The following GEMIN6 variants were observed in gnomAD, a reference collection of about 807,000 sequenced individuals.
GEMIN6 encodes the protein gem-associated protein 6.
In GEMIN6, 13 loss-of-function variants were observed where a neutral mutation model predicts 14.1. That is an observed-to-expected ratio of 0.92 (90% CI 0.60 to 1.46). The LOEUF is 1.46. Ranked by LOEUF, GEMIN6 falls within the 40% of genes most tolerant of loss-of-function variation. The pLI is 0.00. For missense variants in GEMIN6, 271 were observed against 202.4 expected, an observed-to-expected ratio of 1.34 and a Z score of -2.06; for synonymous variants, 87 against 70.0, an observed-to-expected ratio of 1.24 and a Z score of -1.21.
Position 38,781,675 on chromosome 2 carries a change from C to T in GEMIN6, c.287C>T (p.Pro96Leu), listed in dbSNP as rs767892869. Residue 96 changes from proline (P) to leucine (L), a missense_variant, in exon 3 of 3, where the codon CCA becomes CTA. Physicochemically the swap from Pro to Leu is moderately conservative, Grantham distance 98. Transcript: ENST00000281950. ...FTSGDCKAYS[P>L]EDLEERKNSL... ...TCTGGAGACTGCAAAGCATACAGCC[C>T]AGAGGATCTGGAAGAGAGAAAGAAC... The T allele has an allele frequency of 1.9e-5, 31 of 1,614,076 alleles. No homozygotes were observed. Among genetic ancestry groups the T allele is most frequent in the East Asian group, 6.7e-5 (3 of 44,880 alleles).
intron 2 of GEMIN6, among the ~76,000 whole-genome samples, chr2:38,779,654 ATATATATATATTTTTT>A (rs1411179754): frequency 1.3e-3 from 35 of 26,378 alleles, no homozygotes; most frequent in Non-Finnish European, 1.8e-3. Flanking sequence ...ATATATATAT[ATATATATATATTTTTT>A]TTTTTTTTTT....
At position 38,779,052 on chromosome 2, in the gene GEMIN6, G is replaced by C. The variant is rs530479807; in HGVS notation, c.62G>C (p.Arg21Pro). Residue 21 changes from arginine to proline, a missense_variant, in exon 2 of 3, where the codon CGA becomes CCA. By Grantham distance (103) the Arg-to-Pro change is moderately radical. Transcript: ENST00000281950. ...CAAGATTACATTTACAAAGAGGTCCGAGTGACAGCCAGTGAGAAGAATGAG... is the reference window on the plus strand; with the variant it reads ...CAAGATTACATTTACAAAGAGGTCCCAGTGACAGCCAGTGAGAAGAATGAG... ...EWQDYIYKEV[R>P]VTASEKNEYK... The C allele has an allele frequency of 6.2e-6, 10 of 1,613,772 alleles. No individual in the cohort carries two copies. The highest frequency in any genetic ancestry group is 5.0e-5 in the Admixed American group (3 of 59,976).
chr2:38,781,110 G>C (rs1669075545), intron 2 of GEMIN6, among the ~76,000 whole-genome samples: 1 of 151,812 alleles, frequency 6.6e-6, no homozygotes, highest in South Asian at 2.1e-4. Flanking sequence ...TGGGATTACA[G>C]GTGACTGCCA....
Position 38,781,779 on chromosome 2 carries a change from G to A in GEMIN6, c.391G>A (p.Gly131Arg). Residue 131 changes from glycine to arginine, a missense_variant, in exon 3 of 3, where the codon GGG (glycine) becomes AGG (arginine). Coordinates refer to ENST00000281950, the MANE Select transcript of GEMIN6 (RefSeq NM_024775.10). ...GDAPRTLCVA[G>R]VLTIDPPYGP... ...CGCTCCAAGGACTCTCTGTGTGGCT[G>A]GGGTCCTGACTATAGACCCACCATA... The A allele has an allele frequency of 1.2e-6, 2 of 1,614,118 alleles. No homozygotes were observed. The highest frequency in any genetic ancestry group is 1.7e-6 in the Non-Finnish European group (2 of 1,180,022).
chr2:38,779,388 G>C, intron 2 of GEMIN6: 1 of 348,346 alleles, frequency 2.9e-6, no homozygotes, highest in Non-Finnish European at 5.5e-6. Context: ...TTGCCACCAC[G>C]TCTGGCTAAT....
Position 38,781,640 on chromosome 2 carries a change from T to C in GEMIN6, c.252T>C (p.His84=), listed in dbSNP as rs1669088793. ...GDHRVREKLM[H]LFTSGDCKAY... ...ATAGAGTGAGGGAGAAGCTGATGCA[T>C]TTGTTCACGTCTGGAGACTGCAAAG... The change falls in exon 3 of 3, where the codon CAT becomes CAC. Residue 84 remains histidine, a synonymous_variant. Transcript: ENST00000281950. 1.2e-6 allele frequency: 2 copies of C among 1,614,088 alleles called. No homozygotes were observed. The highest frequency in any genetic ancestry group is 1.1e-5 in the South Asian group (1 of 91,088).
intron 2 of GEMIN6, among the ~76,000 whole-genome samples, chr2:38,779,664 ATTTTTTTTTTTTT>A (rs1166903482): frequency 4.8e-5 from 1 of 20,778 alleles, no homozygotes; most frequent in African/African-American, 1.9e-4. Context: ...ATATATATAT[ATTTTTTTTTTTTT>A]TTTTTTTTTT....
intron 2 of GEMIN6, 93 bp from the exon 3 acceptor site, chr2:38,781,424 A>T (rs1049569146): frequency 7.2e-5 from 90 of 1,248,914 alleles, no homozygotes; most frequent in Non-Finnish European, 9.6e-5. Context: ...TTCATTGGTG[A>T]CAGGATTAAT....
chr2:38,779,178 T>C (rs1431929082), intron 2 of GEMIN6, 60 bp downstream of exon 2: 5 of 1,464,282 alleles, frequency 3.4e-6, no homozygotes, highest in African/African-American at 2.9e-5. Context: ...CTGTATGTTA[T>C]AGACAAACTA....
Position 38,781,956 on chromosome 2 carries a change from T to C in GEMIN6, c.*64T>C. On this transcript the variant is annotated 3_prime_UTR_variant, in exon 3 of 3. Transcript: ENST00000281950. ...ATATTTTATCCCTCATAAAATGTTT[T>C]AAATGTAAATGTACATGACTGTGTG... 1.5e-5 allele frequency: 22 copies of C among 1,426,922 alleles called. No homozygotes were observed. Among genetic ancestry groups the C allele is most frequent in the Non-Finnish European group, 2.0e-5 (21 of 1,050,374 alleles). 88.4% of individuals were successfully genotyped at this position (1,426,922 alleles called of 1,614,324 possible).
In GEMIN6 at chr2:38,778,967, T is replaced by G. The variant is rs769653000; in HGVS notation, c.-19-5T>G. ...TATATTAACCAGCACTGGTGGTTGT[T>G]TCAGATTTAGCCAGGTGGCAATCAT... On this transcript the variant is annotated splice_region_variant and splice_polypyrimidine_tract_variant and intron_variant, in intron 1 of 2. Coordinates refer to ENST00000281950, the MANE Select transcript of GEMIN6 (RefSeq NM_024775.10). 3.1e-6 allele frequency: 5 copies of G among 1,604,218 alleles called. No homozygotes were observed. Among genetic ancestry groups the G allele is most frequent in the Non-Finnish European group, 4.3e-6 (5 of 1,175,580 alleles).
Position 38,784,089 on chromosome 2 carries a change from T to C in GEMIN6, c.*2197T>C, listed in dbSNP as rs1269700534. On this transcript the variant is annotated 3_prime_UTR_variant, in exon 3 of 3. Transcript: ENST00000281950. ...CCTCCCTCACGGCTTCAAAGTTCCA[T>C]GATCCTGAAAGCAAAATTTAGCACA... 1.3e-5 allele frequency: 2 copies of C among 152,194 alleles called. No homozygotes were observed. Among genetic ancestry groups the C allele is most frequent in the Non-Finnish European group, 2.9e-5 (2 of 68,046 alleles). 9.4% of individuals were successfully genotyped at this position (152,194 alleles called of 1,614,324 possible). A position where few individuals can be genotyped will look rare whatever the true frequency, so the allele number is the denominator to read the frequency against.
intron 2 of GEMIN6, 43 bp from the exon 3 acceptor site, chr2:38,781,474 T>C (rs1389113476): frequency 6.5e-7 from 1 of 1,548,990 alleles, no homozygotes; most frequent in African/African-American, 1.4e-5. Flanking sequence ...TTTAGTGACC[T>C]ACTTGGGTTG....
In GEMIN6 at chr2:38,781,929, CTA is replaced by C; in HGVS notation, c.*41_*42del. On this transcript the variant is annotated 3_prime_UTR_variant, in exon 3 of 3. Coordinates refer to ENST00000281950, the MANE Select transcript of GEMIN6 (RefSeq NM_024775.10). ...GTGTGAACATACTGATAGAAAAAGA[CTA>C]TATTTTATCCCTCATAAAATGTTTT... The C allele has an allele frequency of 1.3e-6, 2 of 1,541,754 alleles. No individual in the cohort carries two copies. The highest frequency in any genetic ancestry group is 2.5e-5 in the South Asian group (2 of 79,732).
intron 2 of GEMIN6, among the ~76,000 whole-genome samples, chr2:38,780,663 C>T (rs1459968892): frequency 6.8e-6 from 1 of 146,546 alleles, no homozygotes; most frequent in East Asian, 2.1e-4. Flanking sequence ...GAGCCTTGCT[C>T]TGTTGCCCAG....
chr2:38,779,946 G>C (rs1337684301), intron 2 of GEMIN6, among the ~76,000 whole-genome samples: 10 of 150,560 alleles, frequency 6.6e-5, no homozygotes, highest in Non-Finnish European at 1.5e-4. Context: ...GCCTCCCAAA[G>C]TGCTAGGATC....
At chr2:38,778,928 G>C (rs928381498) in intron 1 of GEMIN6, 44 bp from the exon 2 acceptor site, 8 of 1,524,492 alleles carry the variant, frequency 5.2e-6, no homozygotes, top group Non-Finnish European at 7.1e-6. Flanking sequence ...TAAGACATTT[G>C]CTTACGTGGA....
rs375382710 is a variant in GEMIN6, at chr2:38,779,153, A to T, written c.128+35A>T. 1.8e-5 allele frequency: 28 copies of T among 1,591,184 alleles called. No individual in the cohort carries two copies. In the African/African-American group the frequency reaches 3.8e-4, roughly 21 times the overall value. On this transcript the variant is annotated intron_variant, in intron 2 of 2. Coordinates refer to ENST00000281950, the MANE Select transcript of GEMIN6 (RefSeq NM_024775.10). ...CATCCTACTTGCCTGAAATCTTGACACCCCTTTGTGCTGCCTGTATGTTAT... is the reference window on the plus strand; with the variant it reads ...CATCCTACTTGCCTGAAATCTTGACTCCCCTTTGTGCTGCCTGTATGTTAT...
At position 38,779,031 on chromosome 2, in the gene GEMIN6, AT is replaced by A; in HGVS notation, c.43del (p.Tyr15ThrfsTer8). ...AAGAAAGGCCCCTTAGAATGGCAAG[AT>A]TACATTTACAAAGAGGTCCGAGTGA... The part of the protein sequence containing the change: ...WMKKGPLEWQ[D>X]YIYKEVRVTA... On this transcript the variant is annotated frameshift_variant, in exon 2 of 3. Transcript: ENST00000281950. LOFTEE classifies it high-confidence loss of function. 2 of 1,613,844 alleles carry A rather than the reference AT, an allele frequency of 1.2e-6. No individual in the cohort carries two copies. The highest frequency in any genetic ancestry group is 1.7e-6 in the Non-Finnish European group (2 of 1,179,890).
Sources: allele counts gnomAD v4.1 joint callset (sites outside exome capture counted in the v4.1 genomes callset), GRCh38; gene constraint gnomAD v4.1.1; transcripts MANE v1.5; gene names NCBI Gene and HGNC (gene_info 2026-07-23, HGNC 2026-07-21).